COL11A1: variants seen among roughly 807,000 people sequenced by gnomAD.
COL11A1 encodes collagen alpha-1(XI) chain.
In COL11A1, 74 loss-of-function variants were observed where a neutral mutation model predicts 265.2. The observed-to-expected ratio is 0.28, with a 90% CI of 0.23 to 0.34. The LOEUF is 0.34. Ranked by LOEUF, COL11A1 falls within the 10% of genes least tolerant of loss-of-function variation. The probability of loss-of-function intolerance (pLI) is 1.00; values close to 1 mark genes in which losing one functional copy is unlikely to be tolerated. For synonymous variants in COL11A1, 816 were observed against 727.6 expected (o/e 1.12, Z -1.96); for missense variants, 2,165 against 2,263.6 (o/e 0.96, Z 0.88).
chr1:103,107,978 T>TTTTTTTTGGG, intron 1 of COL11A1, 95 bp downstream of exon 1: 1 of 871,192 alleles, frequency 1.1e-6, no homozygotes. Context: ...TTTTTTTTCT[T>TTTTTTTTGGG]GAAGAGCGGG....
Position 103,031,263 on chromosome 1 carries a change from CA to C in COL11A1, c.652-20del, listed in dbSNP as rs1667974072. 4 of 1,534,524 alleles carry C rather than the reference CA, an allele frequency of 2.6e-6. No individual in the cohort carries two copies. The highest frequency in any genetic ancestry group is 4.7e-5 in the East Asian group (2 of 42,500). ...TGTCCCCCTGGGAAAAAAAAAAAAA[CA>C]AAAACAAACAGACACAGATTCAGTT... is the stretch of plus-strand genomic sequence containing the variant. On this transcript the variant is annotated intron_variant, in intron 4 of 66. Transcript: ENST00000370096.
intron 36 of COL11A1, among the ~76,000 whole-genome samples, chr1:102,972,325 A>G (rs1662045802): frequency 2.0e-5 from 3 of 152,138 alleles, no homozygotes; most frequent in Admixed American, 2.0e-4. Context: ...AATATCTCAT[A>G]TTTGCTGACA....
In COL11A1 at chr1:102,978,726, A is replaced by G. The variant is rs754031268; in HGVS notation, c.2736T>C (p.Pro912=). ...PKGTSGGDGP[P]GPPGERGPQG... ...TACGTACTCTTTCACCTGGAGGGCC[A>G]GGAGGGCCATCGCCACCTGAAGTGC... The change falls in exon 35 of 67, where the codon CCT becomes CCC. Residue 912 remains proline, a synonymous_variant. Coordinates refer to ENST00000370096, the MANE Select transcript of COL11A1 (RefSeq NM_001854.4). 2.5e-6 allele frequency: 4 copies of G among 1,614,042 alleles called. No individual in the cohort carries two copies. Among genetic ancestry groups the G allele is most frequent in the Non-Finnish European group, 3.4e-6 (4 of 1,179,976 alleles).
At chr1:103,033,328 C>CT (rs35359966) in intron 4 of COL11A1, among the ~76,000 whole-genome samples, 12,282 of 151,890 alleles carry the variant, frequency 0.081, 559 homozygotes, top group Middle Eastern at 0.16. Context: ...CCATTACTGC[C>CT]TTTTTTGAGT....
chr1:102,955,105 G>T (rs2615997), intron 41 of COL11A1, among the ~76,000 whole-genome samples: 9,487 of 152,120 alleles, frequency 0.062, 604 homozygotes, highest in African/African-American at 0.16. Context: ...GTCTACCTGG[G>T]TCACAATGGA....
chr1:103,085,047 A>T (rs567557923), intron 1 of COL11A1, among the ~76,000 whole-genome samples: 1 of 152,362 alleles, frequency 6.6e-6, no homozygotes, highest in East Asian at 1.9e-4. Flanking sequence ...TGGTCATAGT[A>T]GTGCTGGGTT....
chr1:102,946,604 CT>C (rs1236688055), intron 42 of COL11A1, among the ~76,000 whole-genome samples: 3 of 151,408 alleles, frequency 2.0e-5, no homozygotes, highest in Non-Finnish European at 4.4e-5. Context: ...AATGAAAAGC[CT>C]TTTACATTAA....
Position 103,023,472 on chromosome 1 carries a change from C to T in COL11A1, c.991-476G>A, listed in dbSNP as rs370737019. On this transcript the variant is annotated intron_variant, in intron 7 of 66. Coordinates refer to ENST00000370096, the MANE Select transcript of COL11A1 (RefSeq NM_001854.4). ...TCCTGGGTTCAAGTGATTCTCCTGCCTCAGCCTCCCGAGTAGCTAGGATTA... is the reference window on the plus strand; with the variant it reads ...TCCTGGGTTCAAGTGATTCTCCTGCTTCAGCCTCCCGAGTAGCTAGGATTA... Among the ~76,000 whole-genome samples the T allele has an allele frequency of 3.8e-4, 57 of 151,712 alleles. 1 individual carries two copies. The South Asian group carries it at 0.011, about 30-fold the overall frequency.
intron 41 of COL11A1, among the ~76,000 whole-genome samples, chr1:102,961,261 G>T (rs780902502): frequency 6.6e-6 from 1 of 151,848 alleles, no homozygotes; most frequent in Non-Finnish European, 1.5e-5. Context: ...TGTATCTCAA[G>T]AAAAAAATGA....
At position 102,888,559 on chromosome 1, in the gene COL11A1, T is replaced by G. The variant is rs17127203; in HGVS notation, c.4608+18A>C. ...GATGCAAACTGTCAGAACATCACTC[T>G]TGTTAACATATACTTACTGGAGACC... On this transcript the variant is annotated intron_variant, in intron 62 of 66. Transcript: ENST00000370096. 6.2e-7 allele frequency: 1 copy of G among 1,608,382 alleles called. No homozygotes were observed. The highest frequency in any genetic ancestry group is 8.5e-7 in the Non-Finnish European group (1 of 1,175,012).
chr1:102,907,093 G>A (rs1654070615), intron 54 of COL11A1, among the ~76,000 whole-genome samples: 1 of 151,962 alleles, frequency 6.6e-6, no homozygotes, highest in African/African-American at 2.4e-5. Flanking sequence ...GCTCGATCGG[G>A]CTGACCTAAG....
intron 53 of COL11A1, among the ~76,000 whole-genome samples, chr1:102,912,716 AG>A (rs1245284698): frequency 6.6e-6 from 1 of 152,098 alleles, no homozygotes; most frequent in Non-Finnish European, 1.5e-5. Context: ...GTATCCTGAG[AG>A]GGACCCAGTG....
intron 1 of COL11A1, among the ~76,000 whole-genome samples, chr1:103,083,684 T>C (rs1176484637): frequency 2.0e-5 from 3 of 152,198 alleles, no homozygotes; most frequent in Admixed American, 2.0e-4. Context: ...AAGGTGTATG[T>C]ATGTATCTAT....
At chr1:102,913,940 A>G (rs1156292418) in intron 52 of COL11A1, among the ~76,000 whole-genome samples, 1 of 152,202 alleles carries the variant, frequency 6.6e-6, no homozygotes, top group Non-Finnish European at 1.5e-5. Flanking sequence ...TAAGGAAGAA[A>G]GAAGATGTCA....
At chr1:103,014,456 T>A in intron 13 of COL11A1, 55 bp downstream of exon 13, 1 of 1,376,640 alleles carries the variant, frequency 7.3e-7, no homozygotes. Context: ...TACACACATA[T>A]ATACTTGATA....
intron 37 of COL11A1, among the ~76,000 whole-genome samples, chr1:102,967,227 C>CTTTTTTTTTTTTTTTTTTTTTTTTTT (rs35303945): frequency 3.8e-5 from 2 of 52,754 alleles, no homozygotes; most frequent in African/African-American, 8.0e-5. Context: ...ATAATAAATT[C>CTTTTTTTTTTTTTTTTTTTTTTTTTT]TTTTTTTTTT....
intron 8 of COL11A1, 123 bp from the exon 9 acceptor site, chr1:103,021,892 G>T: frequency 1.3e-6 from 1 of 755,116 alleles, no homozygotes; most frequent in South Asian, 1.6e-5. Context: ...CTGTTGCCCA[G>T]GTTAGAGTGC....
In COL11A1 at chr1:102,889,523, C is replaced by T. The variant is rs866783525; in HGVS notation, c.4396G>A (p.Glu1466Lys). ...GLIGLIGPPGEQGEKGDRGLP... is the reference protein window; with the variant it reads ...GLIGLIGPPGKQGEKGDRGLP... ...CCTCGGTCACCTTTTTCCCCTTGTT[C>T]TCCTGGAGGACCAATCAGGCCAATT... Residue 1466 changes from glutamate to lysine, a missense_variant, in exon 59 of 67, where the codon GAA becomes AAA. Coordinates refer to ENST00000370096, the MANE Select transcript of COL11A1 (RefSeq NM_001854.4). 1 of 1,613,578 alleles carries T rather than the reference C, an allele frequency of 6.2e-7. No individual in the cohort carries two copies. Among genetic ancestry groups the T allele is most frequent in the Non-Finnish European group, 8.5e-7 (1 of 1,179,774 alleles).
chr1:103,064,755 G>A (rs562825739), intron 4 of COL11A1, among the ~76,000 whole-genome samples: 10 of 150,372 alleles, frequency 6.7e-5, no homozygotes, highest in Admixed American at 2.0e-4. Flanking sequence ...ATTACTTGGC[G>A]AAAGGGGCTA....
Sources: gnomAD v4.1 joint callset for allele counts (sites outside exome capture counted in the v4.1 genomes callset) on GRCh38, gnomAD v4.1.1 for gene constraint, MANE v1.5 for transcripts, NCBI Gene and HGNC (gene_info 2026-07-23, HGNC 2026-07-21) for gene names.